Variants in GRM6 observed in about 807,000 individuals in gnomAD.
The protein encoded by GRM6 is metabotropic glutamate receptor 6.
In GRM6, 73 loss-of-function variants were observed where a neutral mutation model predicts 78.4. That is an observed-to-expected ratio of 0.93 (90% CI 0.77 to 1.13). GRM6 has a LOEUF of 1.13. Ranked by LOEUF, GRM6 falls within the 50% of genes most tolerant of loss-of-function variation. The pLI, the probability that GRM6 is intolerant of heterozygous loss-of-function variation, is 0.00. For missense variants in GRM6, 1,251 were observed against 1,256.4 expected, an observed-to-expected ratio of 1.00 and a Z score of 0.07; for synonymous variants, 580 against 555.0, an observed-to-expected ratio of 1.05 and a Z score of -0.63.
intron 2 of GRM6, among the ~76,000 whole-genome samples, chr5:178,993,464 ATGGGGGCTTTCATG>A (rs966558150): frequency 1.3e-5 from 2 of 152,280 alleles, no homozygotes; most frequent in African/African-American, 4.8e-5. Context: ...GGAAACAGGG[ATGGGGGCTTTCATG>A]TGCGCAGACG....
At chr5:178,984,010 T>C (rs1033125641) in intron 9 of GRM6, among the ~76,000 whole-genome samples, 4 of 152,194 alleles carry the variant, frequency 2.6e-5, no homozygotes, top group Non-Finnish European at 4.4e-5. Context: ...CTGGAAGGGA[T>C]GCTTTGCAGT....
At position 178,985,644 on chromosome 5, in the gene GRM6, A is replaced by G. The variant is rs1326981263; in HGVS notation, c.2124+486T>C. On this transcript the variant is annotated intron_variant, in intron 9 of 10. Coordinates refer to ENST00000517717, the MANE Select transcript of GRM6 (RefSeq NM_000843.4). ...CGTGAACCCGGAAGGCAGAGCTTGCAGGGAGCTGAGATAGTGCCACTGCAC... is the reference window on the plus strand; with the variant it reads ...CGTGAACCCGGAAGGCAGAGCTTGCGGGGAGCTGAGATAGTGCCACTGCAC... 1.9e-5 allele frequency: 7 copies of G among 377,058 alleles called. No individual in the cohort carries two copies. The East Asian group carries it at 3.2e-4, about 17-fold the overall frequency. 23.4% of individuals were successfully genotyped at this position (377,058 alleles called of 1,614,324 possible).
chr5:178,986,270 T>C lies in GRM6; in HGVS notation c.1984A>G (p.Thr662Ala), dbSNP rs148052055. 23 of 1,613,990 alleles carry C rather than the reference T, an allele frequency of 1.4e-5. No homozygotes were observed. The highest frequency in any genetic ancestry group is 3.3e-5 in the South Asian group (3 of 91,074). ...ARRLFLGLGTTLSYSALLTKT... is the reference protein window; with the variant it reads ...ARRLFLGLGTALSYSALLTKT... ...GTGAGCAGGGCAGAGTAGCTGAGGG[T>C]CGTGCCCAGGCCCAGGAAGAGCCTG... Residue 662 changes from threonine (T) to alanine (A), a missense_variant, in exon 9 of 11, where the codon ACC becomes GCC. Physicochemically the swap from Thr to Ala is moderately conservative, Grantham distance 58. Transcript: ENST00000517717.
rs377543870 is a variant in GRM6 at position 178,981,580 on chromosome 5, G to A, written c.*77C>T. The stretch of plus-strand genomic sequence containing the variant: ...GCCACTGACTGTTCACCGTGGACCC[G>A]GGCTCTATACAGCTTCCACCTCGAG... On this transcript the variant is annotated 3_prime_UTR_variant, in exon 11 of 11. Coordinates refer to ENST00000517717, the MANE Select transcript of GRM6 (RefSeq NM_000843.4). This position sits in a 1 kb window ranked among gnomAD's most constrained non-coding sequence, Gnocchi z 5.1. 191 of 1,139,692 alleles carry A rather than the reference G, an allele frequency of 1.7e-4. 2 individuals carry two copies. The Middle Eastern group carries it at 1.8e-3, about 10-fold the overall frequency. 70.6% of individuals were successfully genotyped at this position (1,139,692 alleles called of 1,614,324 possible).
Position 178,992,487 on chromosome 5 carries a change from G to T in GRM6, c.505-404C>A. 8.2e-6 allele frequency: 3 copies of T among 363,814 alleles called. No individual in the cohort carries two copies. Among genetic ancestry groups the T allele is most frequent in the South Asian group, 6.3e-5 (3 of 47,442 alleles). 22.5% of individuals were successfully genotyped at this position (363,814 alleles called of 1,614,324 possible). ...CACGTTTTCTTGATTCACACCAAGG[G>T]GTGGTCCGCAGGGACAGGCAGCCCT... On this transcript the variant is annotated intron_variant, in intron 2 of 10. Coordinates refer to ENST00000517717, the MANE Select transcript of GRM6 (RefSeq NM_000843.4). The surrounding 1 kb of genome is among the most constrained non-coding windows in gnomAD (Gnocchi z 4.9).
chr5:178,987,780 G>C, intron 7 of GRM6, among the ~76,000 whole-genome samples: 1 of 152,046 alleles, frequency 6.6e-6, no homozygotes, highest in East Asian at 1.9e-4. Flanking sequence ...TTTATTTAGA[G>C]ACAGAGTCTC....
chr5:178,994,909 G>T lies in GRM6; in HGVS notation c.36C>A (p.Leu12=). The part of the protein sequence containing the change: ...ARPRRAREPL[L]VALLPLAWLA... Reference sequence around the variant, plus strand: ...GCCACGCCAGCGGCAGCAGCGCCACGAGCAGCGGCTCCCGGGCTCTCCGGG... The same window carrying T: ...GCCACGCCAGCGGCAGCAGCGCCACTAGCAGCGGCTCCCGGGCTCTCCGGG... Residue 12 remains leucine (L), a synonymous_variant, in exon 2 of 11, where the codon CTC becomes CTA. Transcript: ENST00000517717. The T allele has an allele frequency of 8.3e-7, 1 of 1,209,128 alleles. No homozygotes were observed. 74.9% of individuals were successfully genotyped at this position (1,209,128 alleles called of 1,614,324 possible).
In GRM6 at chr5:178,986,682, C is replaced by G. The variant is rs760965209; in HGVS notation, c.1572G>C (p.Pro524=). The G allele has an allele frequency of 2.5e-6, 4 of 1,603,714 alleles. No individual in the cohort carries two copies. In the East Asian group the frequency reaches 6.7e-5, roughly 27 times the overall value. Residue 524 remains proline, a synonymous_variant, in exon 9 of 11, where the codon CCG becomes CCC. Transcript: ENST00000517717. The stretch of plus-strand genomic sequence containing the variant: ...CCTTCACCATCTTCTTCCGCTCCCC[C>G]GGCCCGCAGGGCAGGCTGCACAGAG... The part of the protein sequence containing the change: ...PSSLCSLPCG[P]GERKKMVKGV...
rs1383895882 is a variant in GRM6, at chr5:178,981,647, A to G, written c.*10T>C. The stretch of plus-strand genomic sequence containing the variant: ...AGAGGCAGCAAGCAGTCCCGTTCCC[A>G]CCTGCCCTGCTACTTGTGGGCCTCT... On this transcript the variant is annotated 3_prime_UTR_variant, in exon 11 of 11. Coordinates refer to ENST00000517717, the MANE Select transcript of GRM6 (RefSeq NM_000843.4). This position sits in a 1 kb window ranked among gnomAD's most constrained non-coding sequence, Gnocchi z 5.1. 8.7e-6 allele frequency: 14 copies of G among 1,608,980 alleles called. No individual in the cohort carries two copies. In the East Asian group the frequency reaches 3.1e-4, roughly 36 times the overall value.
rs1760613866 is a variant in GRM6 at position 178,988,798 on chromosome 5, G to A, written c.1354+137C>T. 1.5e-6 allele frequency: 1 copy of A among 687,372 alleles called. No individual in the cohort carries two copies. Among genetic ancestry groups the A allele is most frequent in the Non-Finnish European group, 2.6e-6 (1 of 386,374 alleles). The allele number at this position is 687,372 out of a possible 1,614,324, so 42.6% of individuals were successfully genotyped here. ...GACCGGAACTTGTCTCATGTCTTTG[G>A]CACTCAGCCCCAGGCACCCCCATTA... On this transcript the variant is annotated intron_variant, in intron 7 of 10. Transcript: ENST00000517717. This position sits in a 1 kb window ranked among gnomAD's most constrained non-coding sequence, Gnocchi z 6.0.
chr5:178,989,206 T>TCACCACCCCCCCCCCCCCCCCC, intron 6 of GRM6, 59 bp downstream of exon 6: 1 of 218,572 alleles, frequency 4.6e-6, no homozygotes, highest in Non-Finnish European at 6.5e-6. Flanking sequence ...GCCTTCCCCC[T>TCACCACCCCCCCCCCCCCCCCC]CCCCACCCTC....
In GRM6 at chr5:178,994,850, G is replaced by A; in HGVS notation, c.95C>T (p.Ser32Phe). ...CGTCAGGCCGCCCGCCAGGCGCACA[G>A]AGCCCGCCGCGCGCGCCAGGCCCGC... ...AQAGLARAAG[S>F]VRLAGGLTLG... Residue 32 changes from serine (S) to phenylalanine (F), a missense_variant, in exon 2 of 11, where the codon TCT becomes TTT. Coordinates refer to ENST00000517717, the MANE Select transcript of GRM6 (RefSeq NM_000843.4). The A allele has an allele frequency of 3.3e-6, 4 of 1,215,746 alleles. No homozygotes were observed. The highest frequency in any genetic ancestry group is 3.1e-6 in the Non-Finnish European group (3 of 977,406). 75.3% of individuals were successfully genotyped at this position (1,215,746 alleles called of 1,614,324 possible).
In GRM6 at chr5:178,983,194, C is replaced by G; in HGVS notation, c.2152G>C (p.Ala718Pro). The change falls in exon 10 of 11, where the codon GCC (alanine) becomes CCC (proline). Residue 718 changes from alanine to proline, a missense_variant. Ala to Pro is a conservative substitution (Grantham distance 27, BLOSUM62 -1). Coordinates refer to ENST00000517717, the MANE Select transcript of GRM6 (RefSeq NM_000843.4). ...TCAATCACGCTGTGTGGGGGCCGGG[C>G]CCCCAGCCATGCTATCATCCCCACC... ...QVVGMIAWLG[A>P]RPPHSVIDYE... 2 of 1,612,596 alleles carry G rather than the reference C, an allele frequency of 1.2e-6. No individual in the cohort carries two copies. The highest frequency in any genetic ancestry group is 4.5e-5 in the East Asian group (2 of 44,852).
At position 178,991,873 on chromosome 5, in the gene GRM6, C is replaced by T. The variant is rs1760682383; in HGVS notation, c.715G>A (p.Glu239Lys). 6 of 1,613,496 alleles carry T rather than the reference C, an allele frequency of 3.7e-6. No homozygotes were observed. The highest frequency in any genetic ancestry group is 5.1e-6 in the Non-Finnish European group (6 of 1,179,698). ...CTCGGAGCCCCCAGCTCACCAGCCT[C>T]TCGGGAGATCTGAACGAAGGCCTCA... ...GVEAFVQISREAGGVCIAQSI... is the reference protein window; with the variant it reads ...GVEAFVQISRKAGGVCIAQSI... The change falls in exon 3 of 11, where the codon GAG (glutamate) becomes AAG (lysine). Residue 239 changes from glutamate (E) to lysine (K), a missense_variant. Physicochemically the swap from Glu to Lys is moderately conservative, Grantham distance 56. Transcript: ENST00000517717. The surrounding 1 kb of genome is among the most constrained non-coding windows in gnomAD (Gnocchi z 5.0).
chr5:178,985,916 C>T (rs960884828), intron 9 of GRM6: 10 of 590,498 alleles, frequency 1.7e-5, no homozygotes, highest in African/African-American at 3.7e-5. Flanking sequence ...CACGCACCAC[C>T]ATGCCTGGCT....
At chr5:178,986,087 A>G (rs1760534327) in intron 9 of GRM6, 43 bp downstream of exon 9, 5 of 1,580,686 alleles carry the variant, frequency 3.2e-6, no homozygotes, top group African/African-American at 1.3e-5. Flanking sequence ...CGTTGCGGAC[A>G]GTCCCCCTCC....
chr5:178,986,115 A>G lies in GRM6; in HGVS notation c.2124+15T>C. 6.2e-7 allele frequency: 1 copy of G among 1,610,438 alleles called. No homozygotes were observed. The highest frequency in any genetic ancestry group is 8.5e-7 in the Non-Finnish European group (1 of 1,178,208). ...CCCCCTCCCTGCCCTGGCCCTTGGG[A>G]GCCTACGGACCCACCTGCAGGGAGG... On this transcript the variant is annotated intron_variant, in intron 9 of 10. Transcript: ENST00000517717.
In GRM6 at chr5:178,994,497, CCACG is replaced by C; in HGVS notation, c.444_447del (p.Val149AlafsTer59). On this transcript the variant is annotated frameshift_variant, in exon 2 of 11. Coordinates refer to ENST00000517717, the MANE Select transcript of GRM6 (RefSeq NM_000843.4). LOFTEE classifies it high-confidence loss of function. ...ATGGAGACGGAGCTGGCCGAGGCGC[CCACG>C]ACGGCCACGACGCGCTCGGGGGGCG... The C allele has an allele frequency of 1.4e-6, 2 of 1,432,986 alleles. No homozygotes were observed. Among genetic ancestry groups the C allele is most frequent in the Non-Finnish European group, 1.8e-6 (2 of 1,097,906 alleles). The allele number at this position is 1,432,986 out of a possible 1,614,324, so 88.8% of individuals were successfully genotyped here.
Position 178,989,423 on chromosome 5 carries a change from G to A in GRM6, c.1013-18C>T. 6.2e-7 allele frequency: 1 copy of A among 1,613,810 alleles called. No homozygotes were observed. Among genetic ancestry groups the A allele is most frequent in the Non-Finnish European group, 8.5e-7 (1 of 1,179,960 alleles). ...GTCAAATCCTACAGACAGGGAAGAA[G>A]GGGGAGGGTGGCGCTGACCTGAGCC... On this transcript the variant is annotated intron_variant, in intron 5 of 10. Transcript: ENST00000517717.
Sources: allele counts gnomAD v4.1 joint callset (sites outside exome capture counted in the v4.1 genomes callset), GRCh38; gene constraint gnomAD v4.1.1; non-coding constraint Gnocchi (gnomAD v3.1); transcripts MANE v1.5; gene names NCBI Gene and HGNC (gene_info 2026-07-23, HGNC 2026-07-21).